The following CNOT6 variants were observed in gnomAD, a reference collection of about 807,000 sequenced individuals.
CNOT6 encodes the protein CCR4-NOT transcription complex subunit 6.
CNOT6 carries 12 observed loss-of-function variants against 61.2 expected under a neutral mutation model. The ratio of observed to expected loss-of-function variants is 0.20; its 90% CI spans 0.13 to 0.32. The LOEUF (loss-of-function observed/expected upper bound fraction) is 0.32, where lower values mean the gene tolerates loss of function less well. Ranked by LOEUF, CNOT6 falls within the 10% of genes least tolerant of loss-of-function variation. The pLI is 1.00. For missense variants in CNOT6, 405 were observed against 663.9 expected (o/e 0.61, Z 4.28); for synonymous variants, 225 against 240.6 (o/e 0.94, Z 0.60).
chr5:180,501,564 AAG>A (rs1231298551), intron 1 of CNOT6, among the ~76,000 whole-genome samples: 1 of 152,188 alleles, frequency 6.6e-6, no homozygotes, highest in African/African-American at 2.4e-5. Context: ...ATTACTCAGG[AAG>A]AGTGTGTGAA....
chr5:180,567,333 T>C (rs2127763873), intron 8 of CNOT6, 91 bp downstream of exon 8: 2 of 1,095,874 alleles, frequency 1.8e-6, no homozygotes, highest in East Asian at 2.5e-5. Context: ...AATGAGAGAA[T>C]GAGGCACTAT....
Position 180,561,770 on chromosome 5 carries a change from T to C in CNOT6, c.386-2719T>C, listed in dbSNP as rs564710675. Among the ~76,000 whole-genome samples the C allele has an allele frequency of 3.3e-5, 5 of 152,310 alleles. No individual in the cohort carries two copies. The East Asian group carries it at 9.6e-4, about 29-fold the overall frequency. On this transcript the variant is annotated intron_variant, in intron 4 of 11. Transcript: ENST00000261951. ...GGTAGTTTTGGCTCTTCACGCGGCC[T>C]CCACAGGCACCGCACTGGCGTGTCC...
chr5:180,494,869 G>A (rs1487331668), intron 1 of CNOT6, 106 bp downstream of exon 1: 1 of 152,022 alleles, frequency 6.6e-6, no homozygotes, highest in Non-Finnish European at 1.5e-5. Flanking sequence ...CTTTCGTTTC[G>A]TGGGCGGCGG....
At chr5:180,510,796 A>G (rs1303624070) in intron 1 of CNOT6, among the ~76,000 whole-genome samples, 1 of 151,938 alleles carries the variant, frequency 6.6e-6, no homozygotes, top group Non-Finnish European at 1.5e-5. Flanking sequence ...GTAATAATGG[A>G]AAATAGCACA....
At chr5:180,542,564 C>T (rs1385555932) in intron 2 of CNOT6, among the ~76,000 whole-genome samples, 1 of 152,198 alleles carries the variant, frequency 6.6e-6, no homozygotes, top group South Asian at 2.1e-4. Flanking sequence ...TGCACCCGGC[C>T]GCTTGTTAGT....
intron 1 of CNOT6, among the ~76,000 whole-genome samples, chr5:180,527,760 C>T (rs549455664): frequency 2.0e-5 from 3 of 152,306 alleles, no homozygotes; most frequent in African/African-American, 7.2e-5. Context: ...CAAGGGTTCT[C>T]AACCCTGGTA....
At chr5:180,520,937 T>C (rs1378753124) in intron 1 of CNOT6, among the ~76,000 whole-genome samples, 1 of 151,734 alleles carries the variant, frequency 6.6e-6, no homozygotes, top group Non-Finnish European at 1.5e-5. Context: ...TTCTGCCTCC[T>C]GAGTTCAAGC....
intron 3 of CNOT6, among the ~76,000 whole-genome samples, chr5:180,552,029 C>T (rs753946582): frequency 6.6e-6 from 1 of 151,852 alleles, no homozygotes; most frequent in African/African-American, 2.4e-5. Context: ...CCACCATGCC[C>T]AGCTAATTTT....
intron 4 of CNOT6, among the ~76,000 whole-genome samples, chr5:180,554,417 TAA>T (rs33948602): frequency 0.013 from 1,854 of 141,022 alleles, 19 homozygotes; most frequent in African/African-American, 0.033. Context: ...GACTCTGTCT[TAA>T]AAAAAAAAAA....
At chr5:180,510,434 T>TTGAGGC (rs886370692) in intron 1 of CNOT6, among the ~76,000 whole-genome samples, 2 of 152,144 alleles carry the variant, frequency 1.3e-5, no homozygotes, top group African/African-American at 4.8e-5. Flanking sequence ...CTTAACTGAA[T>TTGAGGC]TGAGGCTGCG....
At chr5:180,509,121 A>G (rs1423293674) in intron 1 of CNOT6, among the ~76,000 whole-genome samples, 1 of 151,224 alleles carries the variant, frequency 6.6e-6, no homozygotes, top group Non-Finnish European at 1.5e-5. Context: ...CGCCCGGCCT[A>G]TTTTATTTTA....
chr5:180,525,788 C>G (rs541286952), intron 1 of CNOT6, among the ~76,000 whole-genome samples: 9 of 152,004 alleles, frequency 5.9e-5, no homozygotes, highest in Admixed American at 5.2e-4. Flanking sequence ...CCAAGAAAAC[C>G]GATATCCTGG....
chr5:180,571,167 C>G, intron 10 of CNOT6, 63 bp from the exon 11 acceptor site: 1 of 1,154,128 alleles, frequency 8.7e-7, no homozygotes, highest in Middle Eastern at 2.2e-4. Context: ...CTTACTATTG[C>G]ATGATCTTTT....
At chr5:180,550,737 C>T (rs1759554388) in intron 3 of CNOT6, among the ~76,000 whole-genome samples, 1 of 152,132 alleles carries the variant, frequency 6.6e-6, no homozygotes, top group Non-Finnish European at 1.5e-5. Flanking sequence ...ACAAACAGGG[C>T]ACCATACCAT....
chr5:180,510,791 A>C (rs1339531677), intron 1 of CNOT6, among the ~76,000 whole-genome samples: 1 of 151,968 alleles, frequency 6.6e-6, no homozygotes, highest in East Asian at 1.9e-4. Flanking sequence ...GTTTTGTAAT[A>C]ATGGAAAATA....
chr5:180,518,096 T>TA (rs2127710589), intron 1 of CNOT6, among the ~76,000 whole-genome samples: 1 of 152,346 alleles, frequency 6.6e-6, no homozygotes, highest in African/African-American at 2.4e-5. Flanking sequence ...GATTATGTTA[T>TA]CTCTCTTTTG....
At chr5:180,538,527 A>T (rs1758834648) in intron 2 of CNOT6, among the ~76,000 whole-genome samples, 1 of 151,246 alleles carries the variant, frequency 6.6e-6, no homozygotes, top group Non-Finnish European at 1.5e-5. Flanking sequence ...CTCTACTAAA[A>T]TACAAAAAAA....
At chr5:180,507,837 T>C (rs1321491373) in intron 1 of CNOT6, among the ~76,000 whole-genome samples, 1 of 152,148 alleles carries the variant, frequency 6.6e-6, no homozygotes, top group African/African-American at 2.4e-5. Flanking sequence ...GGGAAGCAGG[T>C]AGTCTTCACG....
intron 2 of CNOT6, among the ~76,000 whole-genome samples, chr5:180,538,187 C>T (rs140156122): frequency 4.6e-4 from 69 of 151,598 alleles, no homozygotes; most frequent in African/African-American, 1.6e-3. Flanking sequence ...TACAGGTGCC[C>T]GCCACAACTG....
Sources: gnomAD v4.1 joint callset for allele counts (sites outside exome capture counted in the v4.1 genomes callset) on GRCh38, gnomAD v4.1.1 for gene constraint, MANE v1.5 for transcripts, NCBI Gene and HGNC (gene_info 2026-07-23, HGNC 2026-07-21) for gene names.